The following COL23A1 variants were observed in gnomAD, a reference collection of about 807,000 sequenced individuals.
COL23A1 encodes the protein collagen alpha-1(XXIII) chain.
Under a neutral mutation model 99.3 loss-of-function variants are expected in COL23A1, and 97 were observed. The ratio of observed to expected loss-of-function variants is 0.98; its 90% CI spans 0.83 to 1.16. The LOEUF (loss-of-function observed/expected upper bound fraction) is 1.16, where lower values mean the gene tolerates loss of function less well. COL23A1 is among the 50% of genes most tolerant of loss of function. The probability of loss-of-function intolerance (pLI) is 0.00; values close to 1 mark genes in which losing one functional copy is unlikely to be tolerated. For missense variants in COL23A1, 762 were observed against 757.4 expected, an observed-to-expected ratio of 1.01 and a Z score of -0.07; for synonymous variants, 320 against 308.2, an observed-to-expected ratio of 1.04 and a Z score of -0.40.
At position 178,280,125 on chromosome 5, in the gene COL23A1, C is replaced by A. The variant is rs1280930863; in HGVS notation, c.441+8199G>T. On this transcript the variant is annotated intron_variant, in intron 5 of 28. Transcript: ENST00000390654. The surrounding 1 kb of genome is among the most constrained non-coding windows in gnomAD (Gnocchi z 4.9). The stretch of plus-strand genomic sequence containing the variant: ...CGTCCATCCTGCTGGCTCTCGTGCC[C>A]GGCCAGGGAACACTAGAGGGCGCGC... Among the ~76,000 whole-genome samples the A allele has an allele frequency of 6.6e-6, 1 of 152,250 alleles. No homozygotes were observed. Among genetic ancestry groups the A allele is most frequent in the Non-Finnish European group, 1.5e-5 (1 of 68,040 alleles).
At chr5:178,467,461 C>T (rs897095732) in intron 2 of COL23A1, among the ~76,000 whole-genome samples, 2 of 152,120 alleles carry the variant, frequency 1.3e-5, no homozygotes, top group East Asian at 1.9e-4. Context: ...GTTCTTTAGC[C>T]GGACTACACG....
rs1042811743 is a variant in COL23A1 at position 178,281,209 on chromosome 5, T to G, written c.441+7115A>C. ...GAGGATGTTGAAATCTAAAAACAGA[T>G]GAATTTGGGATATTTCAGATAAATC... On this transcript the variant is annotated intron_variant, in intron 5 of 28. Transcript: ENST00000390654. This position sits in a 1 kb window ranked among gnomAD's most constrained non-coding sequence, Gnocchi z 4.0. 1.3e-5 allele frequency among the ~76,000 whole-genome samples: 2 copies of G among 152,162 alleles called. No individual in the cohort carries two copies. Among genetic ancestry groups the G allele is most frequent in the Non-Finnish European group, 2.9e-5 (2 of 68,016 alleles).
intron 15 of COL23A1, 73 bp downstream of exon 15, chr5:178,256,280 G>GA: frequency 8.8e-7 from 1 of 1,133,136 alleles, no homozygotes; most frequent in Non-Finnish European, 1.2e-6. Context: ...GTCTCTGTGG[G>GA]GACAGGGGCT....
intron 2 of COL23A1, among the ~76,000 whole-genome samples, chr5:178,540,231 CTAAT>C (rs1381582415): frequency 1.2e-4 from 19 of 152,216 alleles, no homozygotes; most frequent in African/African-American, 3.9e-4. Flanking sequence ...AAACACAACT[CTAAT>C]TATTTATAGA....
intron 2 of COL23A1, among the ~76,000 whole-genome samples, chr5:178,529,053 C>T (rs767929058): frequency 2.0e-5 from 3 of 152,234 alleles, no homozygotes; most frequent in Non-Finnish European, 4.4e-5. Flanking sequence ...GGTTCTGCTC[C>T]GCAGAGCTAC....
chr5:178,318,702 G>C (rs1759114123), intron 2 of COL23A1, among the ~76,000 whole-genome samples: 1 of 152,192 alleles, frequency 6.6e-6, no homozygotes, highest in Non-Finnish European at 1.5e-5. Context: ...AGGAGTTCGA[G>C]ACCAGCCTGC....
intron 7 of COL23A1, among the ~76,000 whole-genome samples, chr5:178,268,085 C>T (rs1044365509): frequency 1.3e-5 from 2 of 152,232 alleles, no homozygotes; most frequent in Non-Finnish European, 2.9e-5. Context: ...GCCTGAGCTG[C>T]GGAATCACAG....
At chr5:178,451,199 C>T (rs1220768889) in intron 2 of COL23A1, among the ~76,000 whole-genome samples, 1 of 152,108 alleles carries the variant, frequency 6.6e-6, no homozygotes, top group Non-Finnish European at 1.5e-5. Flanking sequence ...GACAAAACCC[C>T]CTAGAGGAGA....
In COL23A1 at chr5:178,247,933, C is replaced by T. The variant is rs922727467; in HGVS notation, c.1213-102G>A. 29 of 1,072,686 alleles carry T rather than the reference C, an allele frequency of 2.7e-5. No homozygotes were observed. In the East Asian group the frequency reaches 3.3e-4, roughly 12 times the overall value. The allele number at this position is 1,072,686 out of a possible 1,614,324, so 66.4% of individuals were successfully genotyped here. A position where few individuals can be genotyped will look rare whatever the true frequency, so the allele number is the denominator to read the frequency against. On this transcript the variant is annotated intron_variant, in intron 20 of 28. Transcript: ENST00000390654. ...TGCTGGATCGAGAGTCTCCTTCCTGCCCCCCAGAGGGCAGAGTCTGGTGAG... is the reference window on the plus strand; with the variant it reads ...TGCTGGATCGAGAGTCTCCTTCCTGTCCCCCAGAGGGCAGAGTCTGGTGAG...
At chr5:178,302,597 A>C (rs1267887756) in intron 3 of COL23A1, among the ~76,000 whole-genome samples, 1 of 152,258 alleles carries the variant, frequency 6.6e-6, no homozygotes, top group African/African-American at 2.4e-5. Flanking sequence ...TGGGGCTCCA[A>C]GACAGGTTTT....
chr5:178,457,800 C>A (rs1158361156), intron 2 of COL23A1, among the ~76,000 whole-genome samples: 1 of 152,112 alleles, frequency 6.6e-6, no homozygotes, highest in Non-Finnish European at 1.5e-5. Flanking sequence ...GGATTTTCAG[C>A]CAGAGTAAAA....
At chr5:178,345,232 T>C in intron 2 of COL23A1, 1 of 853,882 alleles carries the variant, frequency 1.2e-6, no homozygotes, top group East Asian at 3.8e-5. Context: ...TTGATTTCTA[T>C]AATGTCCCTA....
At chr5:178,301,890 C>G (rs577756052) in intron 3 of COL23A1, among the ~76,000 whole-genome samples, 2 of 147,506 alleles carry the variant, frequency 1.4e-5, no homozygotes, top group African/African-American at 5.0e-5. Flanking sequence ...CTTCAATCCA[C>G]CTCTGTGTGC....
At chr5:178,360,835 C>T (rs1297325084) in intron 2 of COL23A1, among the ~76,000 whole-genome samples, 1 of 152,234 alleles carries the variant, frequency 6.6e-6, no homozygotes, top group Non-Finnish European at 1.5e-5. Context: ...CTCCACGTCC[C>T]TGGGCGGGCC....
intron 2 of COL23A1, among the ~76,000 whole-genome samples, chr5:178,488,528 T>G (rs373456578): frequency 6.6e-6 from 1 of 152,186 alleles, no homozygotes; most frequent in South Asian, 2.1e-4. Context: ...TTATATTCAA[T>G]GTTTTCCTTA....
At chr5:178,493,285 T>TCCACACTGAACCC (rs1230127261) in intron 2 of COL23A1, among the ~76,000 whole-genome samples, 1 of 152,146 alleles carries the variant, frequency 6.6e-6, no homozygotes. Flanking sequence ...ACACTGAACC[T>TCCACACTGAACCC]CAGTCCACAC....
At position 178,239,159 on chromosome 5, in the gene COL23A1, C is replaced by G; in HGVS notation, c.1602G>C (p.Val534=). The change falls in exon 28 of 29, where the codon GTG becomes GTC. Residue 534 remains valine (V), a synonymous_variant. Transcript: ENST00000390654. ...ACGGTACCTTATGCCAGCAGCCAGG[C>G]ACAGGCAGCCCGTCGGGGCCCTGGA... ...PCPVGPDGLP[V]PGCWHK is the part of the protein sequence containing the mutation. 6.2e-7 allele frequency: 1 copy of G among 1,614,124 alleles called. No individual in the cohort carries two copies. The highest frequency in any genetic ancestry group is 8.5e-7 in the Non-Finnish European group (1 of 1,180,006).
At chr5:178,314,840 G>A (rs532860760) in intron 2 of COL23A1, among the ~76,000 whole-genome samples, 133 of 152,240 alleles carry the variant, frequency 8.7e-4, no homozygotes, top group African/African-American at 3.1e-3. Flanking sequence ...GCTGGTAGCC[G>A]GTAGAGTCAC....
At chr5:178,455,530 C>A (rs528043217) in intron 2 of COL23A1, among the ~76,000 whole-genome samples, 1 of 152,328 alleles carries the variant, frequency 6.6e-6, no homozygotes, top group South Asian at 2.1e-4. Flanking sequence ...GGCCACAGAA[C>A]CCCAGAATCT....
Sources: gnomAD v4.1 joint callset for allele counts (sites outside exome capture counted in the v4.1 genomes callset) on GRCh38, gnomAD v4.1.1 for gene constraint, Gnocchi (gnomAD v3.1) non-coding constraint, MANE v1.5 for transcripts, NCBI Gene and HGNC (gene_info 2026-07-23, HGNC 2026-07-21) for gene names.